The following ANK2 variants were observed in gnomAD, a reference collection of about 807,000 sequenced individuals.
The protein encoded by ANK2 is ankyrin 2, also known as ankyrin-2.
A neutral mutation model predicts 360.5 loss-of-function variants in ANK2; 83 were observed. The ratio of observed to expected loss-of-function variants is 0.23; its 90% CI spans 0.19 to 0.28. The LOEUF is 0.28. ANK2 is among the 10% of genes least tolerant of loss of function. The pLI is 1.00. For synonymous variants in ANK2, 1,740 were observed against 1,759.5 expected (o/e 0.99, Z 0.28); for missense variants, 4,201 against 4,795.7 (o/e 0.88, Z 3.66).
At chr4:113,238,413 A>T (rs1421575715) in intron 7 of ANK2, among the ~76,000 whole-genome samples, 1 of 152,102 alleles carries the variant, frequency 6.6e-6, no homozygotes, top group Non-Finnish European at 1.5e-5. Context: ...TCGCTTGATG[A>T]CTAGGTTGTG....
intron 26 of ANK2, chr4:113,323,692 T>A: frequency 6.8e-7 from 1 of 1,476,802 alleles, no homozygotes; most frequent in Non-Finnish European, 9.3e-7. Context: ...AAGTCACTTC[T>A]GAGTTCCTTC....
chr4:112,713,662 A>G, the ANK2 span, among the ~76,000 whole-genome samples: 2 of 152,208 alleles, frequency 1.3e-5, no homozygotes, highest in Non-Finnish European at 2.9e-5. Flanking sequence ...TGGATTATAT[A>G]GTAAGTATAT....
At chr4:112,802,419 C>T in the ANK2 span, among the ~76,000 whole-genome samples, 1 of 152,158 alleles carries the variant, frequency 6.6e-6, no homozygotes, top group Non-Finnish European at 1.5e-5. Context: ...ACTGTTTTAT[C>T]ATTTTCCACC....
At chr4:112,760,375 G>T in the ANK2 span, among the ~76,000 whole-genome samples, 1 of 152,098 alleles carries the variant, frequency 6.6e-6, no homozygotes, top group South Asian at 2.1e-4. Context: ...TTTTAGTAAA[G>T]ACAGGGTTTC....
chr4:112,876,287 A>G lies in ANK2; in HGVS notation c.-39-28168A>G, dbSNP rs968402792. On this transcript the variant is annotated intron_variant, in intron 1 of 30. Transcript: ENST00000503271. Reference sequence around the variant, plus strand: ...ATAGGAAATCCTGCTTGGGATTTCTACGTACTTTAAAATGTTAATTTAAAT... The same window carrying G: ...ATAGGAAATCCTGCTTGGGATTTCTGCGTACTTTAAAATGTTAATTTAAAT... Among the ~76,000 whole-genome samples, 3 of 152,308 alleles carry G rather than the reference A, an allele frequency of 2.0e-5. No homozygotes were observed. In the East Asian group the frequency reaches 5.8e-4, roughly 29 times the overall value.
chr4:112,972,388 C>T (rs572592121), intron 2 of ANK2, among the ~76,000 whole-genome samples: 10 of 152,066 alleles, frequency 6.6e-5, no homozygotes, highest in Non-Finnish European at 1.3e-4. Context: ...TGTTCCCTTC[C>T]CTGTGTCCAT....
In ANK2 at chr4:113,020,820, T is replaced by C. The variant is rs572680895; in HGVS notation, c.21+116306T>C. On this transcript the variant is annotated intron_variant, in intron 2 of 30. Coordinates refer to the ANK2 transcript ENST00000503271. ...CAGCCTGGGCGACAGAGTGAGACTC[T>C]GTCTCAAAAAAAGAAAAAAATCTAC... Among the ~76,000 whole-genome samples the C allele has an allele frequency of 4.8e-3, 162 of 33,488 alleles. 2 individuals carry two copies. Among genetic ancestry groups the C allele is most frequent in the Middle Eastern group, 0.025 (1 of 40 alleles). 22.0% of individuals were successfully genotyped at this position (33,488 alleles called of 152,430 possible).
At chr4:112,722,236 G>A in the ANK2 span, among the ~76,000 whole-genome samples, 5 of 152,196 alleles carry the variant, frequency 3.3e-5, no homozygotes, top group African/African-American at 1.2e-4. Flanking sequence ...AGCCCCCAAA[G>A]CATACGAATT....
Position 113,332,072 on chromosome 4 carries a change from T to G in ANK2, c.3224+2T>G. 1 of 1,611,808 alleles carries G rather than the reference T, an allele frequency of 6.2e-7. No individual in the cohort carries two copies. ...GCCTCCTGGAACCAAATTCCTTGGG[T>G]AGGAGTGACTTAAAACAAATTGATG... On this transcript the variant is annotated splice_donor_variant, in intron 28 of 45. Coordinates refer to ENST00000357077, the MANE Select transcript of ANK2 (RefSeq NM_001148.6). LOFTEE classifies it high-confidence loss of function.
intron 2 of ANK2, among the ~76,000 whole-genome samples, chr4:113,179,625 G>A (rs567290458): frequency 6.5e-4 from 99 of 151,960 alleles, no homozygotes; most frequent in South Asian, 3.5e-3. Flanking sequence ...TCTTTTTACC[G>A]TATTATCTCT....
Position 113,149,853 on chromosome 4 carries a change from C to T in ANK2, c.85-24563C>T, listed in dbSNP as rs188320470. On this transcript the variant is annotated intron_variant, in intron 1 of 45. Transcript: ENST00000357077. ...GATCGTACCACTGCACTCCAGCTTG[C>T]GTGAGAGTGAGACCCTGCCTCAAAA... Among the ~76,000 whole-genome samples the T allele has an allele frequency of 1.8e-4, 18 of 99,004 alleles. No individual in the cohort carries two copies. In the East Asian group the frequency reaches 4.5e-3, roughly 25 times the overall value. 65.0% of individuals were successfully genotyped at this position (99,004 alleles called of 152,430 possible). A position where few individuals can be genotyped will look rare whatever the true frequency, so the allele number is the denominator to read the frequency against.
At chr4:112,761,763 C>G in the ANK2 span, among the ~76,000 whole-genome samples, 1 of 152,220 alleles carries the variant, frequency 6.6e-6, no homozygotes, top group Non-Finnish European at 1.5e-5. Context: ...TCTTCACTTA[C>G]CATACTCATA....
intron 2 of ANK2, among the ~76,000 whole-genome samples, chr4:112,975,286 A>G (rs981744090): frequency 2.6e-5 from 4 of 152,202 alleles, no homozygotes; most frequent in Admixed American, 6.5e-5. Flanking sequence ...GTTCATGATG[A>G]TTATTATTTC....
chr4:113,321,825 C>T (rs1385403281), intron 26 of ANK2, among the ~76,000 whole-genome samples: 1 of 152,092 alleles, frequency 6.6e-6, no homozygotes, highest in African/African-American at 2.4e-5. Context: ...CTCCACCTCC[C>T]GGGTTCAAGT....
At chr4:113,265,937 G>T (rs1374337530) in intron 14 of ANK2, among the ~76,000 whole-genome samples, 1 of 152,074 alleles carries the variant, frequency 6.6e-6, no homozygotes, top group Non-Finnish European at 1.5e-5. Flanking sequence ...TTTCAGGCAG[G>T]TCACTTCACT....
At chr4:113,097,416 C>T (rs1415942590) in intron 1 of ANK2, among the ~76,000 whole-genome samples, 3 of 151,974 alleles carry the variant, frequency 2.0e-5, no homozygotes, top group Non-Finnish European at 4.4e-5. Context: ...GATTTGGCTG[C>T]GTTGAGCTAT....
chr4:113,281,895 T>C (rs922407576), intron 17 of ANK2, among the ~76,000 whole-genome samples: 3 of 152,162 alleles, frequency 2.0e-5, no homozygotes, highest in African/African-American at 7.2e-5. Context: ...AGATCTAGGA[T>C]TTGAATGGAC....
At chr4:113,077,437 T>TA (rs35329346) in intron 1 of ANK2, among the ~76,000 whole-genome samples, 2 of 151,738 alleles carry the variant, frequency 1.3e-5, no homozygotes, top group Non-Finnish European at 2.9e-5. Context: ...TATAATTAGG[T>TA]AAAAAAAAAT....
intron 20 of ANK2, 80 bp downstream of exon 20, chr4:113,288,566 T>C: frequency 8.4e-7 from 1 of 1,192,820 alleles, no homozygotes; most frequent in Non-Finnish European, 1.2e-6. Flanking sequence ...TTACCAAAGC[T>C]ACAAGTGTAT....
Sources: allele counts gnomAD v4.1 joint callset (sites outside exome capture counted in the v4.1 genomes callset), GRCh38; gene constraint gnomAD v4.1.1; transcripts MANE v1.5; gene names NCBI Gene and HGNC (gene_info 2026-07-23, HGNC 2026-07-21).